The following ZNF385D variants were observed in gnomAD, a reference collection of about 807,000 sequenced individuals.
ZNF385D encodes zinc finger protein 659.
ZNF385D carries 15 observed loss-of-function variants against 35.8 expected under a neutral mutation model. The ratio of observed to expected loss-of-function variants is 0.42; its 90% CI spans 0.28 to 0.64. ZNF385D has a LOEUF of 0.64. ZNF385D is among the 30% of genes least tolerant of loss of function. The pLI, the probability that ZNF385D is intolerant of heterozygous loss-of-function variation, is 0.23. For missense variants in ZNF385D, 474 were observed against 494.6 expected, an observed-to-expected ratio of 0.96 and a Z score of 0.39; for synonymous variants, 212 against 186.8, an observed-to-expected ratio of 1.13 and a Z score of -1.10.
intron 3 of ZNF385D, among the ~76,000 whole-genome samples, chr3:21,884,249 T>G (rs1379322594): frequency 6.6e-6 from 1 of 152,058 alleles, no homozygotes; most frequent in Non-Finnish European, 1.5e-5. Context: ...CAGAATGTTG[T>G]TAAACTGAAA....
chr3:21,993,748 T>G (rs899440913), intron 3 of ZNF385D, among the ~76,000 whole-genome samples: 1 of 152,164 alleles, frequency 6.6e-6, no homozygotes. Context: ...TGCAGATCAT[T>G]TGAAGCAGAG....
At chr3:22,233,097 A>C (rs973820883) in intron 2 of ZNF385D, among the ~76,000 whole-genome samples, 3 of 151,860 alleles carry the variant, frequency 2.0e-5, no homozygotes, top group Non-Finnish European at 4.4e-5. Flanking sequence ...TTTTTAGTAT[A>C]CTCCGTTTCT....
At chr3:21,541,042 G>A (rs2062162430) in intron 3 of ZNF385D, among the ~76,000 whole-genome samples, 1 of 152,172 alleles carries the variant, frequency 6.6e-6, no homozygotes, top group Non-Finnish European at 1.5e-5. Flanking sequence ...AGTGTTGGGT[G>A]TAAGTACAGT....
rs572551605 is a variant in ZNF385D, at chr3:21,488,073, C to T, written c.439+22788G>A. Among the ~76,000 whole-genome samples, 5 of 151,688 alleles carry T rather than the reference C, an allele frequency of 3.3e-5. No individual in the cohort carries two copies. The South Asian group carries it at 8.3e-4, about 25-fold the overall frequency. Reference sequence around the variant, plus strand: ...GAAAATTGAACTTACATATTTACATCGTCACACTCTTTCCTGGTTGAATAG... The same window carrying T: ...GAAAATTGAACTTACATATTTACATTGTCACACTCTTTCCTGGTTGAATAG... On this transcript the variant is annotated intron_variant, in intron 4 of 7. Coordinates refer to ENST00000281523, the MANE Select transcript of ZNF385D (RefSeq NM_024697.3).
rs7610919 is a variant in ZNF385D, at chr3:21,896,568, C to T, written c.326-231540G>A. The stretch of plus-strand genomic sequence containing the variant: ...GTATATTTTTATGAACAGGGCAGCA[C>T]GTCCCTCGAACCAACAGCTATAAAA... On this transcript the variant is annotated intron_variant, in intron 3 of 5. Transcript: ENST00000494108. 6.9e-3 allele frequency among the ~76,000 whole-genome samples: 1,045 copies of T among 152,150 alleles called. 11 individuals carry two copies. Among genetic ancestry groups the T allele is most frequent in the African/African-American group, 0.024 (986 of 41,538 alleles).
intron 3 of ZNF385D, among the ~76,000 whole-genome samples, chr3:22,034,431 G>A (rs953820531): frequency 1.3e-5 from 2 of 152,010 alleles, no homozygotes; most frequent in Non-Finnish European, 2.9e-5. Flanking sequence ...ATGCCACCAA[G>A]TCTTAGTCTT....
At chr3:21,534,040 GCTTACAATACC>G (rs1190384173) in intron 3 of ZNF385D, among the ~76,000 whole-genome samples, 1 of 151,894 alleles carries the variant, frequency 6.6e-6, no homozygotes, top group East Asian at 1.9e-4. Context: ...CTGCTGCTTT[GCTTACAATACC>G]CTTCTTTAAT....
intron 3 of ZNF385D, among the ~76,000 whole-genome samples, chr3:21,757,130 T>TTTTTTTG (rs2070376578): frequency 7.6e-6 from 1 of 131,578 alleles, no homozygotes; most frequent in Non-Finnish European, 1.6e-5. Context: ...CTTTTTTTTT[T>TTTTTTTG]TTTTTTTTTG....
At chr3:22,308,411 T>C (rs753721114) in intron 2 of ZNF385D, among the ~76,000 whole-genome samples, 1 of 151,918 alleles carries the variant, frequency 6.6e-6, no homozygotes, top group Non-Finnish European at 1.5e-5. Context: ...AACAAAAACA[T>C]TATAAGAACA....
chr3:21,960,269 G>A (rs770479290), intron 3 of ZNF385D, among the ~76,000 whole-genome samples: 2 of 150,806 alleles, frequency 1.3e-5, no homozygotes, highest in Non-Finnish European at 3.0e-5. Flanking sequence ...AAGTGGCAGA[G>A]GATCTAAATA....
At chr3:22,236,793 T>TGCCCAGCATAAACC (rs1699209320) in intron 2 of ZNF385D, among the ~76,000 whole-genome samples, 1 of 152,210 alleles carries the variant, frequency 6.6e-6, no homozygotes, top group Non-Finnish European at 1.5e-5. Flanking sequence ...TTTATATAAA[T>TGCCCAGCATAAACC]AGAATCATAC....
chr3:22,161,011 A>G (rs1327732320), intron 3 of ZNF385D, among the ~76,000 whole-genome samples: 1 of 152,102 alleles, frequency 6.6e-6, no homozygotes, highest in East Asian at 1.9e-4. Context: ...TTCTTAATCT[A>G]ATCTTCAAAT....
At position 21,420,081 on chromosome 3, in the gene ZNF385D, A is replaced by T. The variant is rs1034732799; in HGVS notation, c.*1133T>A. ...GTTATTAACATTTAAATATATATTA[A>T]TTGTTTATATCATGTCAGCAGGTAA... On this transcript the variant is annotated 3_prime_UTR_variant, in exon 8 of 8. Coordinates refer to ENST00000281523, the MANE Select transcript of ZNF385D (RefSeq NM_024697.3). The T allele has an allele frequency of 3.3e-5, 5 of 152,082 alleles. No individual in the cohort carries two copies. The highest frequency in any genetic ancestry group is 5.9e-5 in the Non-Finnish European group (4 of 68,008). 9.4% of individuals were successfully genotyped at this position (152,082 alleles called of 1,614,324 possible). A position where few individuals can be genotyped will look rare whatever the true frequency, so the allele number is the denominator to read the frequency against.
At chr3:21,915,067 TAG>T (rs1700132019) in intron 3 of ZNF385D, among the ~76,000 whole-genome samples, 1 of 24,126 alleles carries the variant, frequency 4.1e-5, no homozygotes, top group African/African-American at 5.3e-5. Context: ...TGAGTAGAAA[TAG>T]AAAAAAAAAA....
intron 3 of ZNF385D, among the ~76,000 whole-genome samples, chr3:21,544,963 G>A (rs1452207137): frequency 6.6e-6 from 1 of 152,172 alleles, no homozygotes; most frequent in Non-Finnish European, 1.5e-5. Context: ...CACGTATACA[G>A]GATTGCCAAA....
intron 1 of ZNF385D, among the ~76,000 whole-genome samples, chr3:21,743,318 T>C (rs183299438): frequency 6.6e-6 from 1 of 152,262 alleles, no homozygotes; most frequent in African/African-American, 2.4e-5. Flanking sequence ...AAACATACAG[T>C]ATACAATTAA....
chr3:22,143,309 C>A (rs767091474), intron 3 of ZNF385D, among the ~76,000 whole-genome samples: 1 of 152,188 alleles, frequency 6.6e-6, no homozygotes, highest in Middle Eastern at 3.4e-3. Flanking sequence ...TGGTCTTGAT[C>A]GCCTGACCTC....
In ZNF385D at chr3:21,815,436, G is replaced by C. The variant is rs572862420; in HGVS notation, c.326-150408C>G. On this transcript the variant is annotated intron_variant, in intron 3 of 5. Coordinates refer to the ZNF385D transcript ENST00000494108. ...GATCAACAAAAGTGATAGACCACTA[G>C]CAAGACTAATAAAGAAGAAAAGAGA... is the stretch of plus-strand genomic sequence containing the variant. 8.7e-4 allele frequency among the ~76,000 whole-genome samples: 132 copies of C among 152,234 alleles called. 1 individual carries two copies. The highest frequency in any genetic ancestry group is 3.0e-3 in the African/African-American group (123 of 41,540).
chr3:21,425,510 C>T lies in ZNF385D; in HGVS notation c.834G>A (p.Ser278=), dbSNP rs200280562. 2.8e-5 allele frequency: 45 copies of T among 1,598,950 alleles called. No homozygotes were observed. The highest frequency in any genetic ancestry group is 1.0e-4 in the Admixed American group (6 of 58,234). The change falls in exon 6 of 8, where the codon TCG becomes TCA. Residue 278 remains serine (S), a synonymous_variant. Coordinates refer to ENST00000281523, the MANE Select transcript of ZNF385D (RefSeq NM_024697.3). The part of the protein sequence containing the change: ...HCEICDVHVN[S]ETQLKQHISS... Reference sequence around the variant, plus strand: ...TGTTTACCTGTTTAAGTTGCGTTTCCGAGTTGACGTGCACATCACAGATTT... The same window carrying T: ...TGTTTACCTGTTTAAGTTGCGTTTCTGAGTTGACGTGCACATCACAGATTT...
Sources: allele counts gnomAD v4.1 joint callset (sites outside exome capture counted in the v4.1 genomes callset), GRCh38; gene constraint gnomAD v4.1.1; transcripts MANE v1.5; gene names NCBI Gene and HGNC (gene_info 2026-07-23, HGNC 2026-07-21).